Variants in SUGCT observed in about 807,000 individuals in gnomAD.
SUGCT encodes the protein succinyl-CoA:glutarate CoA-transferase.
In SUGCT, 41 loss-of-function variants were observed where a neutral mutation model predicts 55.0. That is an observed-to-expected ratio of 0.74 (90% CI 0.58 to 0.97). The LOEUF is 0.97. Among genes scored for constraint, SUGCT ranks in the 50% least tolerant of loss-of-function variants. SUGCT has a pLI of 0.00. For synonymous variants in SUGCT, 187 were observed against 200.4 expected, an observed-to-expected ratio of 0.93 and a Z score of 0.56; for missense variants, 568 against 547.8, an observed-to-expected ratio of 1.04 and a Z score of -0.37.
At chr7:40,828,816 T>G (rs1792498767) in intron 13 of SUGCT, among the ~76,000 whole-genome samples, 1 of 152,024 alleles carries the variant, frequency 6.6e-6, no homozygotes, top group Admixed American at 6.6e-5. Context: ...ACTGAGAACT[T>G]CCCACACACC....
chr7:40,941,275 T>C, the SUGCT span, among the ~76,000 whole-genome samples: 7,145 of 152,160 alleles, frequency 0.047, 231 homozygotes, highest in East Asian at 0.14. Context: ...TGATAACTTA[T>C]GTTGCTATTT....
chr7:40,468,126 A>G (rs78895374), intron 11 of SUGCT, among the ~76,000 whole-genome samples: 3,030 of 152,212 alleles, frequency 0.02, 92 homozygotes, highest in African/African-American at 0.07. Flanking sequence ...ATAAAGAATG[A>G]AACACTTTTT....
intron 1 of SUGCT, among the ~76,000 whole-genome samples, chr7:40,158,192 A>C (rs1159298329): frequency 6.6e-6 from 1 of 151,726 alleles, no homozygotes; most frequent in Non-Finnish European, 1.5e-5. Context: ...ACAGAGCAAG[A>C]CTCTGTATCC....
chr7:40,621,886 A>T (rs916267402), intron 12 of SUGCT, among the ~76,000 whole-genome samples: 14 of 152,242 alleles, frequency 9.2e-5, no homozygotes, highest in Middle Eastern at 3.4e-3. Context: ...CCAAATTGAG[A>T]TTGGAAAATA....
At chr7:40,324,960 T>G (rs1212239955) in intron 9 of SUGCT, among the ~76,000 whole-genome samples, 2 of 152,234 alleles carry the variant, frequency 1.3e-5, no homozygotes, top group Non-Finnish European at 2.9e-5. Context: ...ATTTACATGA[T>G]TAAATAAAAT....
chr7:40,261,371 G>A (rs1381298459), intron 7 of SUGCT, among the ~76,000 whole-genome samples: 2 of 152,182 alleles, frequency 1.3e-5, no homozygotes, highest in African/African-American at 4.8e-5. Context: ...TGATGGAGTA[G>A]AAAGATCTTG....
At chr7:40,630,882 C>T (rs956248073) in intron 12 of SUGCT, among the ~76,000 whole-genome samples, 161 of 10,784 alleles carry the variant, frequency 0.015, no homozygotes, top group Non-Finnish European at 0.014. Context: ...GACCCACACA[C>T]GGGGTCGGGG....
At chr7:40,317,660 G>T (rs1013746605) in intron 9 of SUGCT, among the ~76,000 whole-genome samples, 1 of 152,186 alleles carries the variant, frequency 6.6e-6, no homozygotes, top group East Asian at 1.9e-4. Flanking sequence ...TTCAATGTTA[G>T]TGCTCTTGGG....
At chr7:40,698,995 C>T (rs897935128) in intron 12 of SUGCT, among the ~76,000 whole-genome samples, 2 of 152,172 alleles carry the variant, frequency 1.3e-5, no homozygotes, top group African/African-American at 4.8e-5. Context: ...TTCTATCAAT[C>T]ACACAGTCTT....
rs142577694 is a variant in SUGCT at position 40,685,264 on chromosome 7, A to C, written c.1090-64170A>C. 1.2e-4 allele frequency among the ~76,000 whole-genome samples: 18 copies of C among 152,248 alleles called. No individual in the cohort carries two copies. The East Asian group carries it at 3.1e-3, about 26-fold the overall frequency. ...ACCTAAATTCTCTGCTGGAGTTGTA[A>C]AACTGTGTGATACAATATTTAAAAA... is the stretch of plus-strand genomic sequence containing the variant. On this transcript the variant is annotated intron_variant, in intron 12 of 13. Transcript: ENST00000335693.
the SUGCT span, among the ~76,000 whole-genome samples, chr7:41,024,433 T>C: frequency 1.3e-5 from 2 of 152,138 alleles, no homozygotes; most frequent in East Asian, 3.9e-4. Context: ...GAGAAGAAAC[T>C]TGTTACACTC....
chr7:40,574,580 C>T (rs768901232), intron 12 of SUGCT, among the ~76,000 whole-genome samples: 3 of 152,042 alleles, frequency 2.0e-5, no homozygotes, highest in Non-Finnish European at 4.4e-5. Flanking sequence ...TGCAAGCACA[C>T]GCCACCACAC....
At chr7:40,577,432 A>G (rs1350787226) in intron 12 of SUGCT, among the ~76,000 whole-genome samples, 2 of 150,476 alleles carry the variant, frequency 1.3e-5, no homozygotes. Context: ...TTTTTATGGC[A>G]TGTTGGGGGC....
At chr7:40,807,808 C>T (rs1356523200) in intron 13 of SUGCT, among the ~76,000 whole-genome samples, 1 of 152,180 alleles carries the variant, frequency 6.6e-6, no homozygotes, top group African/African-American at 2.4e-5. Context: ...AACTGAGGGG[C>T]AAGGAAGCCA....
intron 12 of SUGCT, among the ~76,000 whole-genome samples, chr7:40,639,449 T>G (rs1219990699): frequency 6.6e-6 from 1 of 152,072 alleles, no homozygotes; most frequent in Non-Finnish European, 1.5e-5. Context: ...GACGGTCACA[T>G]CAATTACTAT....
intron 1 of SUGCT, among the ~76,000 whole-genome samples, chr7:40,161,748 TC>T (rs1312259289): frequency 1.3e-5 from 2 of 152,180 alleles, no homozygotes; most frequent in Non-Finnish European, 2.9e-5. Flanking sequence ...ACAGCTAACT[TC>T]AGGATGGCCC....
At chr7:40,940,960 G>T in the SUGCT span, among the ~76,000 whole-genome samples, 7 of 152,072 alleles carry the variant, frequency 4.6e-5, no homozygotes, top group African/African-American at 1.7e-4. Context: ...AGTTCTTAGG[G>T]GAAATGCCTT....
intron 12 of SUGCT, among the ~76,000 whole-genome samples, chr7:40,555,163 A>G (rs1258919067): frequency 6.6e-6 from 1 of 151,738 alleles, no homozygotes; most frequent in Non-Finnish European, 1.5e-5. Flanking sequence ...GGTATTTATG[A>G]GCCCCCAGAG....
At chr7:40,380,723 ACT>A (rs1784827829) in intron 9 of SUGCT, among the ~76,000 whole-genome samples, 1 of 151,806 alleles carries the variant, frequency 6.6e-6, no homozygotes, top group South Asian at 2.1e-4. Flanking sequence ...GGAAATATTT[ACT>A]CTCTTGTCTC....
Sources: gnomAD v4.1 joint callset for allele counts (sites outside exome capture counted in the v4.1 genomes callset) on GRCh38, gnomAD v4.1.1 for gene constraint, MANE v1.5 for transcripts, NCBI Gene and HGNC (gene_info 2026-07-23, HGNC 2026-07-21) for gene names.